Variants in TESK2 observed in about 807,000 individuals in gnomAD.
TESK2 encodes testis associated actin remodelling kinase 2, also known as dual specificity testis-specific protein kinase 2.
TESK2 carries 39 observed loss-of-function variants against 57.1 expected under a neutral mutation model. The observed-to-expected ratio is 0.68, with a 90% CI of 0.53 to 0.89. TESK2 has a LOEUF of 0.89. Among genes scored for constraint, TESK2 ranks in the 40% least tolerant of loss-of-function variants. The pLI, the probability that TESK2 is intolerant of heterozygous loss-of-function variation, is 0.00. For missense variants in TESK2, 646 were observed against 732.1 expected (o/e 0.88, Z 1.36); for synonymous variants, 249 against 267.9 (o/e 0.93, Z 0.69).
intron 4 of TESK2, among the ~76,000 whole-genome samples, chr1:45,381,932 T>C (rs1045218732): frequency 2.7e-5 from 4 of 149,634 alleles, no homozygotes; most frequent in Admixed American, 1.3e-4. Flanking sequence ...GGTACAATCA[T>C]GGCTCATTGC....
chr1:45,480,943 G>A (rs1434253766), intron 1 of TESK2, among the ~76,000 whole-genome samples: 2 of 151,630 alleles, frequency 1.3e-5, no homozygotes, highest in South Asian at 2.1e-4. Flanking sequence ...AGCTGAGATC[G>A]CACCACTGCA....
chr1:45,402,531 G>A (rs2149280733), intron 3 of TESK2, among the ~76,000 whole-genome samples: 1 of 150,112 alleles, frequency 6.7e-6, no homozygotes, highest in East Asian at 2.0e-4. Flanking sequence ...TGCCCAGGCT[G>A]GAGTGCAATG....
chr1:45,395,115 G>A lies in TESK2; in HGVS notation c.345-9155C>T, dbSNP rs72686457. 6.7e-3 allele frequency among the ~76,000 whole-genome samples: 1,019 copies of A among 152,140 alleles called. 8 individuals carry two copies. The highest frequency in any genetic ancestry group is 0.02 in the South Asian group (95 of 4,826). ...CATTATTAAGCTTTTCCACATCTTT[G>A]CCTTTTCTCAGACTGTTCCCACTAC... On this transcript the variant is annotated intron_variant, in intron 3 of 10. Transcript: ENST00000372086.
At chr1:45,392,803 A>G (rs1026308061) in intron 3 of TESK2, among the ~76,000 whole-genome samples, 1 of 152,142 alleles carries the variant, frequency 6.6e-6, no homozygotes, top group Non-Finnish European at 1.5e-5. Context: ...TCGGCCTCCC[A>G]AAGTGCTAGG....
intron 2 of TESK2, among the ~76,000 whole-genome samples, chr1:45,453,681 A>G (rs1651963599): frequency 6.6e-6 from 1 of 152,194 alleles, no homozygotes; most frequent in East Asian, 1.9e-4. Flanking sequence ...AAAAGAAAAA[A>G]TTAATTTGAC....
At chr1:45,483,439 T>C (rs1653317712) in intron 1 of TESK2, among the ~76,000 whole-genome samples, 1 of 150,752 alleles carries the variant, frequency 6.6e-6, no homozygotes. Context: ...CTACTAAAAA[T>C]ACAAAAAAAT....
chr1:45,477,568 G>A (rs910427877), intron 1 of TESK2, among the ~76,000 whole-genome samples: 1 of 151,762 alleles, frequency 6.6e-6, no homozygotes, highest in African/African-American at 2.4e-5. Flanking sequence ...GTTGCAGTGA[G>A]CTGAGATCAC....
intron 3 of TESK2, among the ~76,000 whole-genome samples, chr1:45,393,115 A>T (rs1477442658): frequency 1.3e-5 from 2 of 152,222 alleles, no homozygotes; most frequent in Non-Finnish European, 2.9e-5. Context: ...GCTACATTTT[A>T]AAATCATGGG....
chr1:45,376,006 ACT>A (rs927857691), intron 4 of TESK2, among the ~76,000 whole-genome samples: 2 of 152,196 alleles, frequency 1.3e-5, no homozygotes, highest in African/African-American at 4.8e-5. Flanking sequence ...ACAGGGAGTT[ACT>A]AAAAATAAGA....
At chr1:45,352,397 C>A (rs1272477511) in intron 5 of TESK2, among the ~76,000 whole-genome samples, 1 of 152,198 alleles carries the variant, frequency 6.6e-6, no homozygotes, top group Non-Finnish European at 1.5e-5. Context: ...GTGGTCTTAT[C>A]CTATAGTCCA....
At chr1:45,485,197 G>GTT (rs111369971) in intron 1 of TESK2, among the ~76,000 whole-genome samples, 26 of 148,020 alleles carry the variant, frequency 1.8e-4, no homozygotes, top group East Asian at 5.9e-4. Flanking sequence ...TTTGTTTTTT[G>GTT]TTTTTTTTTG....
chr1:45,364,166 C>A (rs933906690), intron 4 of TESK2, among the ~76,000 whole-genome samples: 1 of 152,102 alleles, frequency 6.6e-6, no homozygotes, highest in Admixed American at 6.6e-5. Flanking sequence ...TACATCCCCC[C>A]AAAAGATGCA....
intron 3 of TESK2, chr1:45,399,005 A>AC (rs1649478840): frequency 4.6e-6 from 2 of 435,330 alleles, no homozygotes; most frequent in South Asian, 1.7e-5. Flanking sequence ...AAAAAAAAAA[A>AC]AACAAGCCTT....
Position 45,345,490 on chromosome 1 carries a change from G to A in TESK2, c.1066C>T (p.Pro356Ser). 2 of 1,614,118 alleles carry A rather than the reference G, an allele frequency of 1.2e-6. No individual in the cohort carries two copies. Among genetic ancestry groups the A allele is most frequent in the East Asian group, 4.5e-5 (2 of 44,882 alleles). ...AGCCAGATGGTACGTCTTGGGCATG[G>A]TGACTTGTGGGGGATCTTGTCATCC... ...SLDDKIPHKS[P>S]CPRRTIWLSR... Residue 356 changes from proline to serine, a missense_variant, in exon 11 of 11, where the codon CCA becomes TCA. By Grantham distance (74) the Pro-to-Ser change is moderately conservative (BLOSUM62 -1). Transcript: ENST00000372086.
chr1:45,440,283 A>G (rs1651389959), intron 2 of TESK2, among the ~76,000 whole-genome samples: 1 of 152,130 alleles, frequency 6.6e-6, no homozygotes. Context: ...TCATTGCTCC[A>G]ATAAAAGCCT....
At chr1:45,384,329 A>C (rs1395340405) in intron 4 of TESK2, among the ~76,000 whole-genome samples, 1 of 69,662 alleles carries the variant, frequency 1.4e-5, no homozygotes. Context: ...CACTCTATGT[A>C]TGTATGTATG....
At chr1:45,476,188 TC>T (rs1652982743) in intron 1 of TESK2, among the ~76,000 whole-genome samples, 1 of 151,910 alleles carries the variant, frequency 6.6e-6, no homozygotes, top group African/African-American at 2.4e-5. Flanking sequence ...AATCCAAATA[TC>T]CAAAAATAGA....
At chr1:45,473,748 C>A (rs1359853172) in intron 1 of TESK2, among the ~76,000 whole-genome samples, 1 of 151,582 alleles carries the variant, frequency 6.6e-6, no homozygotes, top group Non-Finnish European at 1.5e-5. Context: ...AATGATGATA[C>A]TTGGCTAGAT....
intron 1 of TESK2, among the ~76,000 whole-genome samples, chr1:45,480,680 A>G (rs1570775096): frequency 6.6e-6 from 1 of 151,034 alleles, no homozygotes; most frequent in Admixed American, 6.6e-5. Context: ...AATAATAATA[A>G]TAAATGAATA....
Sources: gnomAD v4.1 joint callset for allele counts (sites outside exome capture counted in the v4.1 genomes callset) on GRCh38, gnomAD v4.1.1 for gene constraint, MANE v1.5 for transcripts, NCBI Gene and HGNC (gene_info 2026-07-23, HGNC 2026-07-21) for gene names.